ITPR2: variants seen among roughly 807,000 people sequenced by gnomAD.
The protein encoded by ITPR2 is inositol 1,4,5-trisphosphate-gated calcium channel ITPR2.
ITPR2 carries 207 observed loss-of-function variants against 317.1 expected under a neutral mutation model. That is an observed-to-expected ratio of 0.65 (90% CI 0.58 to 0.73). The LOEUF (loss-of-function observed/expected upper bound fraction) is 0.73. ITPR2 is among the 30% of genes least tolerant of loss of function. ITPR2 has a pLI of 0.00. For missense variants in ITPR2, 2,613 were observed against 3,284.0 expected (o/e 0.80, Z 4.99); for synonymous variants, 1,156 against 1,149.1 (o/e 1.01, Z -0.12).
At chr12:26,548,603 G>A (rs1375504119) in intron 37 of ITPR2, among the ~76,000 whole-genome samples, 2 of 152,216 alleles carry the variant, frequency 1.3e-5, no homozygotes, top group South Asian at 4.1e-4. Flanking sequence ...GTGACTGAAT[G>A]AAGAACTTGC....
chr12:26,832,359 C>T (rs1214297917), intron 1 of ITPR2, among the ~76,000 whole-genome samples: 2 of 152,262 alleles, frequency 1.3e-5, no homozygotes, highest in African/African-American at 4.8e-5. Context: ...CCAGGGAAAA[C>T]AAGCACACAT....
At chr12:26,556,560 T>TGTGTG (rs1555155115) in intron 35 of ITPR2, among the ~76,000 whole-genome samples, 185 bp from the exon 36 acceptor site, 15 of 65,032 alleles carry the variant, frequency 2.3e-4, no homozygotes, top group South Asian at 1.5e-3. Context: ...GTCTCTATTT[T>TGTGTG]TTTTTTTGTG....
At chr12:26,447,392 T>TA (rs368941022) in intron 45 of ITPR2, among the ~76,000 whole-genome samples, 130 of 152,194 alleles carry the variant, frequency 8.5e-4, no homozygotes, top group African/African-American at 3.0e-3. Flanking sequence ...TGTATTCTGA[T>TA]AGATTGTAAG....
chr12:26,484,897 A>G (rs1398594411), intron 41 of ITPR2, among the ~76,000 whole-genome samples: 1 of 151,930 alleles, frequency 6.6e-6, no homozygotes, highest in Non-Finnish European at 1.5e-5. Flanking sequence ...ATTTTTTTTT[A>G]GTAGAGACGG....
Position 26,730,255 on chromosome 12 carries a change from A to C in ITPR2, c.164-4490T>G, listed in dbSNP as rs192738460. ...CGCCATCACTAACATCAGTAAGGGC[A>C]AAACCTTTGACAAGCCTACTTTTTT... On this transcript the variant is annotated intron_variant, in intron 2 of 56. Coordinates refer to ENST00000381340, the MANE Select transcript of ITPR2 (RefSeq NM_002223.4). Among the ~76,000 whole-genome samples, 330 of 152,354 alleles carry C rather than the reference A, an allele frequency of 2.2e-3. 1 individual carries two copies. Among genetic ancestry groups the C allele is most frequent in the African/African-American group, 7.7e-3 (321 of 41,582 alleles).
chr12:26,656,169 T>C, intron 19 of ITPR2, 128 bp downstream of exon 19: 1 of 1,208,078 alleles, frequency 8.3e-7, no homozygotes, highest in Non-Finnish European at 1.2e-6. Context: ...TATTTGCATT[T>C]AGAAGATTAA....
At chr12:26,446,165 T>C (rs1345430678) in intron 45 of ITPR2, among the ~76,000 whole-genome samples, 4 of 152,046 alleles carry the variant, frequency 2.6e-5, no homozygotes, top group Non-Finnish European at 5.9e-5. Context: ...AAAGCAGCTA[T>C]AAAATAGCTA....
chr12:26,802,602 GATATAGATAT>G (rs1350486475), intron 1 of ITPR2, among the ~76,000 whole-genome samples: 3 of 10,052 alleles, frequency 3.0e-4, no homozygotes, highest in African/African-American at 6.1e-4. Context: ...TATAGATATA[GATATAGATAT>G]ATATAGATAT....
chr12:26,746,060 A>G (rs1436558997), intron 2 of ITPR2, among the ~76,000 whole-genome samples: 1 of 152,128 alleles, frequency 6.6e-6, no homozygotes, highest in Non-Finnish European at 1.5e-5. Flanking sequence ...AATCCCTCAA[A>G]TTCAAAGACT....
At chr12:26,495,859 CT>C in intron 37 of ITPR2, among the ~76,000 whole-genome samples, 1 of 152,212 alleles carries the variant, frequency 6.6e-6, no homozygotes, top group African/African-American at 2.4e-5. Context: ...AGAGCAGGTA[CT>C]CAAAAAATTA....
At position 26,739,641 on chromosome 12, in the gene ITPR2, G is replaced by A. The variant is rs928699022; in HGVS notation, c.164-13876C>T. Among the ~76,000 whole-genome samples, 4 of 152,228 alleles carry A rather than the reference G, an allele frequency of 2.6e-5. 1 individual carries two copies. The highest frequency in any genetic ancestry group is 5.9e-5 in the Non-Finnish European group (4 of 68,042). On this transcript the variant is annotated intron_variant, in intron 2 of 56. Transcript: ENST00000381340. Reference sequence around the variant, plus strand: ...AAAGAAGGTCAGGGGTTACCTGGAAGTGGGGTGGAAGCAAGGATTGACTGC... The same window carrying A: ...AAAGAAGGTCAGGGGTTACCTGGAAATGGGGTGGAAGCAAGGATTGACTGC...
At position 26,593,803 on chromosome 12, in the gene ITPR2, G is replaced by A. The variant is rs73292119; in HGVS notation, c.4380+1662C>T. On this transcript the variant is annotated intron_variant, in intron 32 of 56. Coordinates refer to ENST00000381340, the MANE Select transcript of ITPR2 (RefSeq NM_002223.4). The stretch of plus-strand genomic sequence containing the variant: ...TACACCTTTGCCTTGCAAATACATC[G>A]GTGAAAACGGTATTTCTCAGGTGGC... 3.2e-3 allele frequency among the ~76,000 whole-genome samples: 485 copies of A among 151,062 alleles called. 4 individuals carry two copies. The highest frequency in any genetic ancestry group is 0.011 in the African/African-American group (443 of 41,072).
At chr12:26,671,468 G>A in intron 13 of ITPR2, among the ~76,000 whole-genome samples, 1 of 152,020 alleles carries the variant, frequency 6.6e-6, no homozygotes, top group East Asian at 1.9e-4. Flanking sequence ...AAGTGAAGGA[G>A]AAATAAAATA....
intron 21 of ITPR2, among the ~76,000 whole-genome samples, chr12:26,643,560 C>T (rs1402679783): frequency 6.6e-6 from 1 of 152,076 alleles, no homozygotes; most frequent in Non-Finnish European, 1.5e-5. Context: ...TAGAAGGTCA[C>T]AAACAGAACA....
chr12:26,795,066 A>G (rs771204459), intron 1 of ITPR2, among the ~76,000 whole-genome samples: 25 of 152,224 alleles, frequency 1.6e-4, no homozygotes, highest in Non-Finnish European at 2.9e-4. Flanking sequence ...ATAGTATCTA[A>G]AATTAGAAAG....
At chr12:26,429,003 C>A (rs974520119) in intron 48 of ITPR2, among the ~76,000 whole-genome samples, 1 of 152,186 alleles carries the variant, frequency 6.6e-6, no homozygotes, top group Non-Finnish European at 1.5e-5. Context: ...CAGTCTTAAT[C>A]TTTTGGCCAC....
Position 26,654,013 on chromosome 12 carries a change from T to C in ITPR2, c.2703A>G (p.Ser901=). Residue 901 remains serine (S), a synonymous_variant, in exon 21 of 57, where the codon TCA becomes TCG. Coordinates refer to ENST00000381340, the MANE Select transcript of ITPR2 (RefSeq NM_002223.4). ...AILDIVQAPM[S]SYFERLSKFQ... ...ATTTGCTTAATCTTTCAAAGTATGATGACATGGGGGCCTGTACAATGTCTA... is the reference window on the plus strand; with the variant it reads ...ATTTGCTTAATCTTTCAAAGTATGACGACATGGGGGCCTGTACAATGTCTA... 1.2e-6 allele frequency: 2 copies of C among 1,611,484 alleles called. No homozygotes were observed. Among genetic ancestry groups the C allele is most frequent in the South Asian group, 1.1e-5 (1 of 90,860 alleles).
intron 45 of ITPR2, among the ~76,000 whole-genome samples, chr12:26,445,769 T>C (rs1251276442): frequency 6.6e-6 from 1 of 151,542 alleles, no homozygotes; most frequent in African/African-American, 2.4e-5. Context: ...AAACAAGGAG[T>C]GTGAGTAGAG....
chr12:26,761,259 C>T (rs773660447), intron 2 of ITPR2, among the ~76,000 whole-genome samples: 26 of 152,230 alleles, frequency 1.7e-4, no homozygotes, highest in Non-Finnish European at 2.8e-4. Flanking sequence ...CACCAGACAG[C>T]CCATCAAGAA....
Sources: allele counts gnomAD v4.1 joint callset (sites outside exome capture counted in the v4.1 genomes callset), GRCh38; gene constraint gnomAD v4.1.1; transcripts MANE v1.5; gene names NCBI Gene and HGNC (gene_info 2026-07-23, HGNC 2026-07-21).